The following PDE4D variants were observed in gnomAD, a reference collection of about 807,000 sequenced individuals.
PDE4D encodes the protein 3',5'-cyclic-AMP phosphodiesterase 4D.
Under a neutral mutation model 87.4 loss-of-function variants are expected in PDE4D, and 24 were observed. The observed-to-expected ratio is 0.27, with a 90% CI of 0.20 to 0.39. The LOEUF is 0.39. PDE4D is among the 10% of genes least tolerant of loss of function. The pLI is 1.00. For missense variants in PDE4D, 714 were observed against 1,041.0 expected, an observed-to-expected ratio of 0.69 and a Z score of 4.32; for synonymous variants, 384 against 383.2, an observed-to-expected ratio of 1.00 and a Z score of -0.02.
chr5:59,273,635 T>A (rs891880829), intron 1 of PDE4D, among the ~76,000 whole-genome samples: 2 of 152,082 alleles, frequency 1.3e-5, no homozygotes, highest in African/African-American at 2.4e-5. Flanking sequence ...GAATCATGCA[T>A]ATATAGAGAG....
chr5:59,196,031 T>TGA (rs141137629), intron 2 of PDE4D, among the ~76,000 whole-genome samples: 72 of 148,628 alleles, frequency 4.8e-4, no homozygotes, highest in Middle Eastern at 3.6e-3. Context: ...CAGTGGTAGT[T>TGA]GAGAGAGAGA....
intron 1 of PDE4D, among the ~76,000 whole-genome samples, chr5:60,364,275 A>G (rs1337000824): frequency 2.0e-5 from 3 of 152,134 alleles, no homozygotes; most frequent in Non-Finnish European, 4.4e-5. Context: ...CTGCCAGTGT[A>G]ATGTATTACC....
intron 1 of PDE4D, among the ~76,000 whole-genome samples, chr5:59,738,079 T>A (rs1317867330): frequency 6.6e-6 from 1 of 152,174 alleles, no homozygotes; most frequent in Non-Finnish European, 1.5e-5. Context: ...ATACTGTTTC[T>A]ATGGCATATT....
chr5:59,687,972 A>C (rs1750202190), intron 1 of PDE4D, among the ~76,000 whole-genome samples: 1 of 152,206 alleles, frequency 6.6e-6, no homozygotes, highest in Non-Finnish European at 1.5e-5. Flanking sequence ...GAGACAAAGA[A>C]GGCCATTACG....
intron 1 of PDE4D, among the ~76,000 whole-genome samples, chr5:60,442,141 G>A (rs536544094): frequency 3.9e-5 from 6 of 152,178 alleles, no homozygotes; most frequent in East Asian, 1.9e-4. Context: ...ACATGCACGC[G>A]TATGTTTATT....
chr5:59,801,030 G>A (rs201119492), intron 1 of PDE4D, among the ~76,000 whole-genome samples: 2 of 152,180 alleles, frequency 1.3e-5, no homozygotes, highest in East Asian at 1.9e-4. Flanking sequence ...TTGATTTCCT[G>A]AGACAAATAT....
rs564243052 is a variant in PDE4D, at chr5:59,783,260, C to T, written c.455+109908G>A. On this transcript the variant is annotated intron_variant, in intron 1 of 14. Transcript: ENST00000340635. ...AGTGCCTGGGCCACACCACCCCAGA[C>T]CAGATAAATAAGAATCTCTCAGGGT... Among the ~76,000 whole-genome samples the T allele has an allele frequency of 1.2e-3, 184 of 152,288 alleles. 2 individuals carry two copies. Among genetic ancestry groups the T allele is most frequent in the Non-Finnish European group, 1.3e-3 (86 of 68,032 alleles).
chr5:59,052,849 G>A (rs928747113), intron 5 of PDE4D, among the ~76,000 whole-genome samples: 4 of 151,782 alleles, frequency 2.6e-5, no homozygotes, highest in Non-Finnish European at 2.9e-5. Flanking sequence ...CTTTTTTGGC[G>A]GTTCAGTTCA....
At chr5:60,459,061 T>G (rs1252059138) in intron 1 of PDE4D, among the ~76,000 whole-genome samples, 1 of 152,114 alleles carries the variant, frequency 6.6e-6, no homozygotes, top group East Asian at 1.9e-4. Flanking sequence ...CTTGTACTTT[T>G]CACGTTTAAA....
At chr5:59,743,026 G>C (rs1487533744) in intron 1 of PDE4D, among the ~76,000 whole-genome samples, 1 of 152,112 alleles carries the variant, frequency 6.6e-6, no homozygotes, top group Non-Finnish European at 1.5e-5. Flanking sequence ...TACACCAGTA[G>C]GTGTGCCAAA....
chr5:59,321,957 T>A (rs1774805020), intron 1 of PDE4D, among the ~76,000 whole-genome samples: 1 of 152,170 alleles, frequency 6.6e-6, no homozygotes, highest in Non-Finnish European at 1.5e-5. Context: ...TTTATTTATG[T>A]ATCCTTGATT....
intron 1 of PDE4D, among the ~76,000 whole-genome samples, chr5:59,496,628 G>T (rs1328812744): frequency 6.6e-6 from 1 of 152,166 alleles, no homozygotes; most frequent in East Asian, 1.9e-4. Flanking sequence ...CCCTAAGGGA[G>T]GGGGATGTAG....
chr5:59,389,556 A>G (rs1386477107), intron 1 of PDE4D, among the ~76,000 whole-genome samples: 1 of 152,246 alleles, frequency 6.6e-6, no homozygotes, highest in Non-Finnish European at 1.5e-5. Context: ...TCAAAAAACT[A>G]AAAATAAAAC....
intron 1 of PDE4D, among the ~76,000 whole-genome samples, chr5:60,476,097 A>T (rs1434530422): frequency 6.6e-6 from 1 of 152,186 alleles, no homozygotes; most frequent in African/African-American, 2.4e-5. Flanking sequence ...TCAAGTCTGC[A>T]CTACACTCAA....
chr5:60,073,909 C>T (rs1415339753), intron 2 of PDE4D, among the ~76,000 whole-genome samples: 1 of 150,278 alleles, frequency 6.7e-6, no homozygotes, highest in Non-Finnish European at 1.5e-5. Context: ...TTATTTGGAT[C>T]TTCTCTCTTC....
intron 1 of PDE4D, among the ~76,000 whole-genome samples, chr5:60,315,342 T>A (rs1490186683): frequency 1.3e-5 from 2 of 152,264 alleles, no homozygotes; most frequent in African/African-American, 4.8e-5. Context: ...TGTTTGTTTT[T>A]TTCTAGTAAA....
intron 1 of PDE4D, among the ~76,000 whole-genome samples, chr5:59,472,826 C>T (rs1802656416): frequency 6.6e-6 from 1 of 151,920 alleles, no homozygotes; most frequent in Admixed American, 6.6e-5. Context: ...TTGAATAATA[C>T]ATCTTAATGA....
intron 1 of PDE4D, among the ~76,000 whole-genome samples, chr5:59,871,758 T>A (rs1351862931): frequency 1.3e-5 from 2 of 152,310 alleles, no homozygotes; most frequent in South Asian, 4.1e-4. Flanking sequence ...ATTTACTTCA[T>A]CTTTTGTCAA....
chr5:59,454,410 G>C (rs959144953), intron 1 of PDE4D, among the ~76,000 whole-genome samples: 1 of 152,178 alleles, frequency 6.6e-6, no homozygotes, highest in Non-Finnish European at 1.5e-5. Context: ...AAAAACAGAA[G>C]TTTCCCTGCA....
Sources: allele counts gnomAD v4.1 joint callset (sites outside exome capture counted in the v4.1 genomes callset), GRCh38; gene constraint gnomAD v4.1.1; transcripts MANE v1.5; gene names NCBI Gene and HGNC (gene_info 2026-07-23, HGNC 2026-07-21).